Variants in PELI2 observed in about 807,000 individuals in gnomAD.
PELI2 encodes the protein pellino E3 ubiquitin protein ligase family member 2, also known as E3 ubiquitin-protein ligase pellino homolog 2.
A neutral mutation model predicts 42.3 loss-of-function variants in PELI2; 23 were observed. That is an observed-to-expected ratio of 0.54 (90% CI 0.39 to 0.77). The LOEUF (loss-of-function observed/expected upper bound fraction) is 0.77. Among genes scored for constraint, PELI2 ranks in the 30% least tolerant of loss-of-function variants. The pLI is 0.00. For synonymous variants in PELI2, 245 were observed against 212.2 expected (o/e 1.15, Z -1.34); for missense variants, 463 against 553.2 (o/e 0.84, Z 1.64).
intron 2 of PELI2, among the ~76,000 whole-genome samples, chr14:56,242,532 G>C (rs1324645287): frequency 6.6e-6 from 1 of 152,198 alleles, no homozygotes. Flanking sequence ...GTCATTCTAT[G>C]AAAAAGACAC....
intron 2 of PELI2, among the ~76,000 whole-genome samples, chr14:56,239,854 C>T (rs977292565): frequency 9.9e-5 from 15 of 152,098 alleles, no homozygotes; most frequent in South Asian, 2.1e-4. Context: ...ATTTTTTCAT[C>T]CATAATCAAC....
rs144676298 is a variant in PELI2 at position 56,271,342 on chromosome 14, C to G, written c.208-8334C>G. On this transcript the variant is annotated intron_variant, in intron 2 of 5. Coordinates refer to ENST00000267460, the MANE Select transcript of PELI2 (RefSeq NM_021255.3). ...CATTGGCCCCACTCAGACCTACCCC[C>G]AAACAGTTTTATTATTATGTTTTCC... is the stretch of plus-strand genomic sequence containing the variant. 9.0e-3 allele frequency among the ~76,000 whole-genome samples: 1,370 copies of G among 152,306 alleles called. 24 individuals are homozygous for G. Among genetic ancestry groups the G allele is most frequent in the African/African-American group, 0.031 (1,292 of 41,570 alleles).
At chr14:56,255,837 C>T (rs1211944656) in intron 2 of PELI2, among the ~76,000 whole-genome samples, 1 of 152,126 alleles carries the variant, frequency 6.6e-6, no homozygotes, top group Admixed American at 6.5e-5. Context: ...ATCTTGTCTG[C>T]TCCTTACTGT....
intron 2 of PELI2, among the ~76,000 whole-genome samples, chr14:56,223,258 C>T (rs1275461923): frequency 6.6e-6 from 1 of 152,192 alleles, no homozygotes; most frequent in African/African-American, 2.4e-5. Flanking sequence ...TAATTTCTAA[C>T]TTCAGAGCTT....
At chr14:56,290,242 T>C in intron 4 of PELI2, 26 bp from the exon 5 acceptor site, 1 of 1,474,044 alleles carries the variant, frequency 6.8e-7, no homozygotes, top group Non-Finnish European at 9.1e-7. Context: ...TAACCTACTT[T>C]TTCTGTTCTG....
intron 2 of PELI2, among the ~76,000 whole-genome samples, chr14:56,212,703 A>G (rs3783668): frequency 0.9 from 137,301 of 152,278 alleles, 62,130 homozygotes; most frequent in Middle Eastern, 0.98. Context: ...TGAGTCAATC[A>G]TGCAGGGCGT....
Position 56,157,618 on chromosome 14 carries a change from A to G in PELI2, c.78-20717A>G, listed in dbSNP as rs539471042. Among the ~76,000 whole-genome samples, 33 of 152,346 alleles carry G rather than the reference A, an allele frequency of 2.2e-4. 1 individual carries two copies. Among genetic ancestry groups the G allele is most frequent in the African/African-American group, 5.8e-4 (24 of 41,586 alleles). ...TCATTTTGAGAATTTGTTTCTGTAC[A>G]ATAGCAATTAAGTATCTCCTTAGTA... On this transcript the variant is annotated intron_variant, in intron 1 of 5. Transcript: ENST00000267460.
intron 1 of PELI2, among the ~76,000 whole-genome samples, chr14:56,122,510 A>G (rs1355419970): frequency 6.6e-6 from 1 of 152,100 alleles, no homozygotes; most frequent in Non-Finnish European, 1.5e-5. Context: ...CTTGCTGACT[A>G]ATGGCCCATG....
chr14:56,176,849 G>T (rs1305270479), intron 1 of PELI2, among the ~76,000 whole-genome samples: 1 of 152,136 alleles, frequency 6.6e-6, no homozygotes, highest in African/African-American at 2.4e-5. Context: ...CCTCTAAGTT[G>T]TTTACAATCC....
intron 2 of PELI2, among the ~76,000 whole-genome samples, chr14:56,266,365 A>G (rs1011604416): frequency 1.3e-5 from 2 of 152,070 alleles, no homozygotes; most frequent in East Asian, 1.9e-4. Context: ...ATCACAGACA[A>G]TGGAAATCTT....
At chr14:56,122,293 G>A (rs1883089668) in intron 1 of PELI2, among the ~76,000 whole-genome samples, 2 of 152,178 alleles carry the variant, frequency 1.3e-5, no homozygotes, top group South Asian at 2.1e-4. Context: ...GGGGCCTAAT[G>A]GTCATGGTAT....
intron 1 of PELI2, among the ~76,000 whole-genome samples, chr14:56,156,290 A>C (rs1884562841): frequency 6.6e-6 from 1 of 152,092 alleles, no homozygotes. Context: ...AAATGCTTCA[A>C]CCCCAAGCAA....
intron 1 of PELI2, among the ~76,000 whole-genome samples, chr14:56,132,120 A>G (rs771952690): frequency 2.0e-5 from 3 of 152,204 alleles, no homozygotes; most frequent in Non-Finnish European, 2.9e-5. Flanking sequence ...ATGCTCCTTT[A>G]CAGCAGCCCT....
At chr14:56,251,673 TAAGC>T (rs775634917) in intron 2 of PELI2, among the ~76,000 whole-genome samples, 1 of 152,200 alleles carries the variant, frequency 6.6e-6, no homozygotes, top group Non-Finnish European at 1.5e-5. Context: ...CTGCAATTGG[TAAGC>T]AAAATCAAGT....
intron 2 of PELI2, among the ~76,000 whole-genome samples, chr14:56,230,922 G>GAAAAC (rs1197380721): frequency 3.3e-5 from 5 of 152,030 alleles, no homozygotes; most frequent in Admixed American, 6.6e-5. Context: ...CAAGCAAATA[G>GAAAAC]AAAACAAAAC....
Position 56,281,242 on chromosome 14 carries a change from C to G in PELI2, c.309+1465C>G, listed in dbSNP as rs146888840. On this transcript the variant is annotated intron_variant, in intron 3 of 5. Coordinates refer to ENST00000267460, the MANE Select transcript of PELI2 (RefSeq NM_021255.3). ...GTTGTTCATTGTAGTGTTGTATATACTAGTAAAAAACTAAAAATAAACCTA... is the reference window on the plus strand; with the variant it reads ...GTTGTTCATTGTAGTGTTGTATATAGTAGTAAAAAACTAAAAATAAACCTA... 5.4e-3 allele frequency among the ~76,000 whole-genome samples: 817 copies of G among 152,106 alleles called. 8 individuals carry two copies. The highest frequency in any genetic ancestry group is 0.018 in the African/African-American group (742 of 41,510).
intron 1 of PELI2, among the ~76,000 whole-genome samples, chr14:56,157,557 G>A (rs1479946313): frequency 6.6e-6 from 1 of 152,134 alleles, no homozygotes; most frequent in Non-Finnish European, 1.5e-5. Flanking sequence ...TCTCTCAGGG[G>A]TAATTGAACA....
chr14:56,241,916 A>G (rs777983321), intron 2 of PELI2, among the ~76,000 whole-genome samples: 17 of 152,120 alleles, frequency 1.1e-4, no homozygotes, highest in African/African-American at 2.2e-4. Context: ...ATAAGGATAC[A>G]CTCCACTAAA....
At chr14:56,267,474 A>G (rs140984629) in intron 2 of PELI2, among the ~76,000 whole-genome samples, 1 of 152,278 alleles carries the variant, frequency 6.6e-6, no homozygotes, top group East Asian at 1.9e-4. Context: ...AACATTTGTG[A>G]ATGGCATTGC....
Sources: allele counts gnomAD v4.1 joint callset (sites outside exome capture counted in the v4.1 genomes callset), GRCh38; gene constraint gnomAD v4.1.1; transcripts MANE v1.5; gene names NCBI Gene and HGNC (gene_info 2026-07-23, HGNC 2026-07-21).